Variants in POLR1C observed in about 807,000 individuals in gnomAD.
POLR1C encodes DNA-directed RNA polymerases I and III subunit RPAC1.
A neutral mutation model predicts 38.3 loss-of-function variants in POLR1C; 42 were observed. The ratio of observed to expected loss-of-function variants is 1.10; its 90% CI spans 0.86 to 1.42. POLR1C has a LOEUF of 1.42. Among genes scored for constraint, POLR1C ranks in the 40% most tolerant of loss-of-function variants. The probability of loss-of-function intolerance (pLI) is 0.00; values close to 1 mark genes in which losing one functional copy is unlikely to be tolerated. For missense variants in POLR1C, 507 were observed against 450.5 expected, an observed-to-expected ratio of 1.13 and a Z score of -1.14; for synonymous variants, 163 against 163.9, an observed-to-expected ratio of 0.99 and a Z score of 0.04.
chr6:43,528,085 T>TG, intron 8 of POLR1C: 1 of 1,448,200 alleles, frequency 6.9e-7, no homozygotes, highest in Non-Finnish European at 9.5e-7. Flanking sequence ...GCAGAATCCC[T>TG]GCCCGCTTCC....
At chr6:43,528,184 C>T in intron 8 of POLR1C, 1 of 1,594,194 alleles carries the variant, frequency 6.3e-7, no homozygotes. Context: ...TGGTTGATAA[C>T]TTGCCATTTC....
chr6:43,550,668 AAT>A (rs1795184776), intron 9 of POLR1C, among the ~76,000 whole-genome samples: 1 of 152,186 alleles, frequency 6.6e-6, no homozygotes, highest in Non-Finnish European at 1.5e-5. Flanking sequence ...TTCAACCTCA[AAT>A]AGCCAATTTA....
At chr6:43,552,685 A>G (rs148735156) in intron 10 of POLR1C, among the ~76,000 whole-genome samples, 3 of 152,262 alleles carry the variant, frequency 2.0e-5, no homozygotes, top group African/African-American at 7.2e-5. Context: ...TCTATACATT[A>G]TTGGATTATA....
chr6:43,524,992 G>A, downstream of POLR1C: 1 of 1,609,152 alleles, frequency 6.2e-7, no homozygotes, highest in Non-Finnish European at 8.5e-7. Flanking sequence ...TGTGCTTTAG[G>A]GCCACAGGGG....
At chr6:43,525,748 A>C, downstream of POLR1C, 3 of 1,367,536 alleles carry the variant, frequency 2.2e-6, no homozygotes, top group Non-Finnish European at 3.0e-6. Context: ...GTATTACAAA[A>C]AACTCTTGAT....
rs2231757 is a variant in POLR1C at position 43,517,095 on chromosome 6, G to A, written c.-15G>A. The A allele has an allele frequency of 2.4e-3, 3,845 of 1,613,884 alleles. 85 individuals are homozygous for A. The African/African-American group carries it at 0.046, about 19-fold the overall frequency. ...CGCGCGAGATAGAACCTCTAGTCTCGTGGAGAGATTGAAGATGGCGGCTTC... is the reference window on the plus strand; with the variant it reads ...CGCGCGAGATAGAACCTCTAGTCTCATGGAGAGATTGAAGATGGCGGCTTC... On this transcript the variant is annotated 5_prime_UTR_variant, in exon 1 of 9. In the 5' UTR this introduces an upstream ATG that the reference lacks. Coordinates refer to ENST00000642195, the MANE Select transcript of POLR1C (RefSeq NM_203290.4).
chr6:43,519,755 T>C lies in POLR1C; in HGVS notation c.299T>C (p.Ile100Thr). ...GTCCTGGTGTACAATAATACATCCA[T>C]TGTTCAGGATGAGATTCTTGCTCAC... is the stretch of plus-strand genomic sequence containing the variant. ...EKVLVYNNTS[I>T]VQDEILAHRL... The change falls in exon 4 of 9, where the codon ATT becomes ACT. Residue 100 changes from isoleucine (I) to threonine (T), a missense_variant. Physicochemically the swap from Ile to Thr is moderately conservative, Grantham distance 89. Transcript: ENST00000642195. 6.2e-7 allele frequency: 1 copy of C among 1,614,010 alleles called. No homozygotes were observed. Among genetic ancestry groups the C allele is most frequent in the Non-Finnish European group, 8.5e-7 (1 of 1,179,934 alleles).
downstream of POLR1C, chr6:43,529,612 A>C (rs142115542): frequency 9.1e-4 from 162 of 177,954 alleles, 1 homozygote; most frequent in African/African-American, 3.6e-3. Flanking sequence ...GGTCTGAATG[A>C]GAATGAAGTG....
chr6:43,520,070 TGAA>T lies in POLR1C; in HGVS notation c.392_394del (p.Glu131del), dbSNP rs1187413750. ...GAGCTCCCTCCATTTGTGCAGGAGATGAAGAAGGCACAGAGATAGATACTCTAC... is the reference window on the plus strand; with the variant it reads ...GAGCTCCCTCCATTTGTGCAGGAGATGAAGGCACAGAGATAGATACTCTAC... On this transcript the variant is annotated inframe_deletion, in exon 5 of 9. Transcript: ENST00000642195. 6.2e-7 allele frequency: 1 copy of T among 1,614,170 alleles called. No individual in the cohort carries two copies. The highest frequency in any genetic ancestry group is 1.3e-5 in the African/African-American group (1 of 75,042).
downstream of POLR1C, chr6:43,534,060 A>T: frequency 7.0e-7 from 1 of 1,422,944 alleles, no homozygotes; most frequent in Non-Finnish European, 9.7e-7. Flanking sequence ...AGAAGGAAAG[A>T]GTGGGTTTTG....
At chr6:43,549,896 A>G (rs781338192) in intron 9 of POLR1C, 2 of 1,610,736 alleles carry the variant, frequency 1.2e-6, no homozygotes, top group Non-Finnish European at 1.7e-6. Flanking sequence ...GTCTTACCTT[A>G]CTTTCTTCAA....
chr6:43,560,064 C>T, intron 10 of POLR1C: 1 of 1,313,516 alleles, frequency 7.6e-7, no homozygotes, highest in Non-Finnish European at 1.0e-6. Context: ...AGCGATCCTC[C>T]CGCCTCAGCC....
intron 2 of POLR1C, chr6:43,519,094 G>A (rs1477411310): frequency 1.8e-6 from 1 of 563,582 alleles, no homozygotes; most frequent in African/African-American, 1.9e-5. Flanking sequence ...AATAGCTTCT[G>A]TGGATGGTTT....
chr6:43,544,346 T>A (rs1402013614), intron 9 of POLR1C: 1 of 152,846 alleles, frequency 6.5e-6, no homozygotes, highest in East Asian at 1.9e-4. Context: ...GAGAAAGACA[T>A]AGTGAACACA....
In POLR1C at chr6:43,520,635, T is replaced by C. The variant is rs1261966372; in HGVS notation, c.666T>C (p.His222=). The C allele has an allele frequency of 4.3e-6, 7 of 1,614,174 alleles. No homozygotes were observed. Among genetic ancestry groups the C allele is most frequent in the African/African-American group, 1.3e-5 (1 of 75,032 alleles). ...CCTCTTCCTCTCCAGGCAAAGATCA[T>C]GCCAAGTTTTCACCAGTGGCAACAG... ...MHCVKGIGKD[H]AKFSPVATAS... The change falls in exon 7 of 9, where the codon CAT becomes CAC. Residue 222 remains histidine (H), a synonymous_variant. Coordinates refer to ENST00000642195, the MANE Select transcript of POLR1C (RefSeq NM_203290.4).
chr6:43,554,457 G>A (rs1376407076), intron 10 of POLR1C, among the ~76,000 whole-genome samples: 5 of 139,208 alleles, frequency 3.6e-5, no homozygotes, highest in African/African-American at 5.4e-5. Context: ...ATGGAGTCCC[G>A]CTCTTTGCCC....
At chr6:43,522,674 A>G, downstream of POLR1C, 1 of 481,634 alleles carries the variant, frequency 2.1e-6, no homozygotes, top group East Asian at 6.1e-5. Context: ...ACCAGCTAAA[A>G]ACTGTAGCTT....
downstream of POLR1C, among the ~76,000 whole-genome samples, chr6:43,531,105 G>C (rs944277213): frequency 1.3e-5 from 2 of 152,182 alleles, no homozygotes; most frequent in Non-Finnish European, 2.9e-5. Context: ...AAGCCCATGA[G>C]GGCCAGTTAC....
chr6:43,558,615 GTA>G, intron 10 of POLR1C: 1 of 1,545,422 alleles, frequency 6.5e-7, no homozygotes, highest in South Asian at 1.2e-5. Flanking sequence ...GGTAATTGGG[GTA>G]GGGGATGAAA....
Sources: gnomAD v4.1 joint callset for allele counts (sites outside exome capture counted in the v4.1 genomes callset) on GRCh38, gnomAD v4.1.1 for gene constraint, MANE v1.5 for transcripts, NCBI Gene and HGNC (gene_info 2026-07-23, HGNC 2026-07-21) for gene names.